The following AOPEP variants were observed in gnomAD, a reference collection of about 807,000 sequenced individuals.
AOPEP encodes aminopeptidase O.
In AOPEP, 77 loss-of-function variants were observed where a neutral mutation model predicts 98.1. The ratio of observed to expected loss-of-function variants is 0.78; its 90% CI spans 0.65 to 0.95. AOPEP has a LOEUF of 0.95. AOPEP is among the 40% of genes least tolerant of loss of function. The pLI is 0.00. For synonymous variants in AOPEP, 346 were observed against 365.3 expected (o/e 0.95, Z 0.60); for missense variants, 1,024 against 1,024.7 (o/e 1.00, Z 0.01).
Position 94,800,842 on chromosome 9 carries a change from G to A in AOPEP, c.1204G>A (p.Val402Ile). The change falls in exon 5 of 17, where the codon GTC becomes ATC. Residue 402 changes from valine (V) to isoleucine (I), a missense_variant. By Grantham distance (29) the Val-to-Ile change is conservative (BLOSUM62 3). Around this residue, in one of 3 missense-constraint regions of AOPEP, gnomAD observed 566 missense variants for 551.7 expected, o/e 1.03. Transcript: ENST00000375315. Reference protein sequence around the residue: ...ATTQEIIPHRVFAPVCLTGAC... With the variant: ...ATTQEIIPHRIFAPVCLTGAC... ...CACCCAGGAGATCATTCCTCATCGG[G>A]TCTTTGCCCCTGTGTGCCTCACGGG... 6.2e-7 allele frequency: 1 copy of A among 1,614,172 alleles called. No homozygotes were observed. Among genetic ancestry groups the A allele is most frequent in the Non-Finnish European group, 8.5e-7 (1 of 1,180,042 alleles).
chr9:95,086,262 G>GA (rs1166292711), intron 16 of AOPEP: 2 of 1,216,314 alleles, frequency 1.6e-6, no homozygotes, highest in East Asian at 5.8e-5. Flanking sequence ...TGTAGACTTG[G>GA]AAAACCCTGT....
At chr9:95,023,671 C>T (rs913289721) in intron 13 of AOPEP, among the ~76,000 whole-genome samples, 2 of 152,110 alleles carry the variant, frequency 1.3e-5, no homozygotes, top group African/African-American at 2.4e-5. Context: ...CTTTCAACAA[C>T]AAGTGTTGAG....
rs1457152297 is a variant in AOPEP at position 95,060,760 on chromosome 9, A to G, written c.2182A>G (p.Thr728Ala). Reference sequence around the variant, plus strand: ...GGAGCAGAAGACTCTGAGCCCCCGAACTCTGCAAAGCCTCCAGAGGACATA... The same window carrying G: ...GGAGCAGAAGACTCTGAGCCCCCGAGCTCTGCAAAGCCTCCAGAGGACATA... ...LLEQKTLSPRTLQSLQRTYHL... is the reference protein window; with the variant it reads ...LLEQKTLSPRALQSLQRTYHL... Residue 728 changes from threonine to alanine, a missense_variant, in exon 14 of 17, where the codon ACT becomes GCT. By Grantham distance (58) the Thr-to-Ala change is moderately conservative (BLOSUM62 0). Coordinates refer to ENST00000375315, the MANE Select transcript of AOPEP (RefSeq NM_001193329.3). 6.2e-7 allele frequency: 1 copy of G among 1,613,858 alleles called. No homozygotes were observed. The highest frequency in any genetic ancestry group is 1.3e-5 in the African/African-American group (1 of 74,934).
chr9:94,794,176 A>G (rs1382348679), intron 4 of AOPEP, among the ~76,000 whole-genome samples: 1 of 152,216 alleles, frequency 6.6e-6, no homozygotes, highest in Non-Finnish European at 1.5e-5. Context: ...GCCATTGGAT[A>G]TTTACTGGCA....
chr9:94,760,361 C>T lies in AOPEP; in HGVS notation c.578C>T (p.Thr193Ile), dbSNP rs755584305. The change falls in exon 2 of 17, where the codon ACT becomes ATT. Residue 193 changes from threonine (T) to isoleucine (I), a missense_variant. Physicochemically the swap from Thr to Ile is moderately conservative, Grantham distance 89. Around this residue, in one of 3 missense-constraint regions of AOPEP, gnomAD observed 440 missense variants for 433.8 expected, o/e 1.01. Coordinates refer to ENST00000375315, the MANE Select transcript of AOPEP (RefSeq NM_001193329.3). ...AATCAGATTGTACGTGAACTTGTGACTTTGCCTGCAAATCGTTGGAGGGAG... is the reference window on the plus strand; with the variant it reads ...AATCAGATTGTACGTGAACTTGTGATTTTGCCTGCAAATCGTTGGAGGGAG... Reference protein sequence around the residue: ...FRNQIVRELVTLPANRWREQL... With the variant: ...FRNQIVRELVILPANRWREQL... 9.3e-6 allele frequency: 15 copies of T among 1,614,072 alleles called. No individual in the cohort carries two copies. The highest frequency in any genetic ancestry group is 2.2e-5 in the South Asian group (2 of 91,084).
At chr9:94,979,061 A>G (rs934624716) in intron 10 of AOPEP, among the ~76,000 whole-genome samples, 5 of 152,152 alleles carry the variant, frequency 3.3e-5, no homozygotes, top group Non-Finnish European at 7.3e-5. Context: ...TGCGATGAAT[A>G]TGCCTTATCC....
intron 5 of AOPEP, among the ~76,000 whole-genome samples, chr9:94,857,232 A>G (rs1279958635): frequency 6.6e-6 from 1 of 152,110 alleles, no homozygotes; most frequent in East Asian, 1.9e-4. Context: ...TCTTTTCTCT[A>G]TCCCTCTCAT....
intron 5 of AOPEP, among the ~76,000 whole-genome samples, chr9:94,811,068 G>A (rs1850474077): frequency 6.6e-6 from 1 of 152,244 alleles, no homozygotes; most frequent in African/African-American, 2.4e-5. Flanking sequence ...ATCTCCATTT[G>A]CAAGCTAATA....
chr9:95,088,959 TG>T (rs1457738974), downstream of AOPEP, among the ~76,000 whole-genome samples: 2 of 152,176 alleles, frequency 1.3e-5, no homozygotes, highest in African/African-American at 2.4e-5. Flanking sequence ...CCTCCAGACC[TG>T]GGGGCACCCT....
chr9:94,873,530 G>A (rs1446223969), intron 5 of AOPEP, among the ~76,000 whole-genome samples: 2 of 152,158 alleles, frequency 1.3e-5, no homozygotes, highest in Non-Finnish European at 2.9e-5. Context: ...AGGAGCTGGG[G>A]ACTTTGCACA....
chr9:95,089,443 G>A (rs763304021), downstream of AOPEP, among the ~76,000 whole-genome samples: 1 of 152,208 alleles, frequency 6.6e-6, no homozygotes, highest in Non-Finnish European at 1.5e-5. Flanking sequence ...GGGTGTGCTG[G>A]GGAACCTGAG....
intron 13 of AOPEP, among the ~76,000 whole-genome samples, chr9:95,027,339 C>G (rs2063924494): frequency 6.6e-6 from 1 of 152,212 alleles, no homozygotes; most frequent in South Asian, 2.1e-4. Context: ...CCTCCCTACT[C>G]TCTAGGTTCT....
chr9:94,773,386 C>G (rs568474269), intron 3 of AOPEP: 6 of 394,434 alleles, frequency 1.5e-5, no homozygotes, highest in Non-Finnish European at 2.8e-5. Flanking sequence ...CTAGAGTTGT[C>G]GGTTCATAGA....
intron 5 of AOPEP, among the ~76,000 whole-genome samples, chr9:94,902,044 G>A (rs112551436): frequency 7.9e-5 from 12 of 152,292 alleles, no homozygotes; most frequent in African/African-American, 2.6e-4. Context: ...TTTGTAATAA[G>A]AGCCCAGGTG....
chr9:94,790,035 G>A (rs1209629203), intron 3 of AOPEP, among the ~76,000 whole-genome samples: 1 of 151,538 alleles, frequency 6.6e-6, no homozygotes, highest in Non-Finnish European at 1.5e-5. Context: ...CATCACGCCC[G>A]GCTAATTTTT....
At chr9:94,728,771 A>T (rs1221600767) in intron 1 of AOPEP, among the ~76,000 whole-genome samples, 1 of 152,184 alleles carries the variant, frequency 6.6e-6, no homozygotes, top group African/African-American at 2.4e-5. Context: ...TATGCGGGGC[A>T]CGAGGGACAC....
the AOPEP span, among the ~76,000 whole-genome samples, chr9:95,130,547 C>G: frequency 6.6e-6 from 1 of 152,070 alleles, no homozygotes; most frequent in Non-Finnish European, 1.5e-5. Flanking sequence ...GTTCATTAAG[C>G]CTGGAATAGA....
intron 9 of AOPEP, among the ~76,000 whole-genome samples, chr9:94,958,980 G>GTT (rs112814185): frequency 2.7e-5 from 4 of 147,522 alleles, no homozygotes; most frequent in African/African-American, 7.4e-5. Context: ...TCACTCCTAT[G>GTT]TTTTTTTTTT....
chr9:95,021,361 C>G (rs978112109), intron 13 of AOPEP, among the ~76,000 whole-genome samples: 6 of 152,190 alleles, frequency 3.9e-5, no homozygotes, highest in African/African-American at 1.4e-4. Context: ...TTCAGACTTG[C>G]AGAAAGCTTC....
Sources: allele counts gnomAD v4.1 joint callset (sites outside exome capture counted in the v4.1 genomes callset), GRCh38; gene constraint gnomAD v4.1.1; regional missense constraint gnomAD v4.1.1; transcripts MANE v1.5; gene names NCBI Gene and HGNC (gene_info 2026-07-23, HGNC 2026-07-21).